CCN6: variants seen among roughly 807,000 people sequenced by gnomAD.
CCN6 encodes the protein CCN family member 6.
A neutral mutation model predicts 37.4 loss-of-function variants in CCN6; 31 were observed. The observed-to-expected ratio is 0.83, with a 90% confidence interval of 0.62 to 1.12. The LOEUF (loss-of-function observed/expected upper bound fraction) is 1.12, where lower values mean the gene tolerates loss of function less well. Ranked by LOEUF, CCN6 falls within the 50% of genes most tolerant of loss-of-function variation. The pLI is 0.00. For synonymous variants in CCN6, 137 were observed against 142.1 expected, an observed-to-expected ratio of 0.96 and a Z score of 0.26; for missense variants, 369 against 413.8, an observed-to-expected ratio of 0.89 and a Z score of 0.94.
At chr6:112,061,473 A>G (rs1305167889) in intron 2 of CCN6, 185 bp downstream of exon 2, 3 of 706,504 alleles carry the variant, frequency 4.2e-6, no homozygotes, top group Non-Finnish European at 4.8e-6. Context: ...ATGCTTACAC[A>G]CATTCAGAAG....
chr6:112,053,299 CTTT>C (rs67916118), upstream of CCN6, among the ~76,000 whole-genome samples: 1 of 142,566 alleles, frequency 7.0e-6, no homozygotes. Context: ...TATTTTTAAT[CTTT>C]TTTTTTTTTT....
upstream of CCN6, chr6:112,053,931 C>T (rs766082719): frequency 2.2e-5 from 8 of 360,314 alleles, no homozygotes; most frequent in Non-Finnish European, 4.3e-5. Context: ...CTAGAGAGGA[C>T]CCGGAGCAGG....
intron 2 of CCN6, among the ~76,000 whole-genome samples, chr6:112,063,714 A>C (rs1554313303): frequency 1.3e-5 from 2 of 152,150 alleles, no homozygotes; most frequent in Non-Finnish European, 2.9e-5. Flanking sequence ...CTCATCTTCA[A>C]AAAAAATTTC....
chr6:112,065,298 A>G (rs1554313711), intron 3 of CCN6, among the ~76,000 whole-genome samples: 1 of 152,182 alleles, frequency 6.6e-6, no homozygotes. Flanking sequence ...TCTCAGGAAA[A>G]TTGACCAAAT....
rs1776633142 is a variant in CCN6, at chr6:112,064,899, A to G, written c.491A>G (p.His164Arg). The G allele has an allele frequency of 1.9e-6, 3 of 1,614,110 alleles. No individual in the cohort carries two copies. Among genetic ancestry groups the G allele is most frequent in the Non-Finnish European group, 2.5e-6 (3 of 1,179,960 alleles). The change falls in exon 3 of 5, where the codon CAC becomes CGC. Residue 164 changes from histidine to arginine, a missense_variant. His to Arg is a conservative substitution (Grantham distance 29). Coordinates refer to ENST00000368666, the MANE Select transcript of CCN6 (RefSeq NM_198239.2). Reference sequence around the variant, plus strand: ...TTCATACCAAAGCTGGCTGGCAGTCACTGCTCTGGAGCTAAAGGTGGAAAG... The same window carrying G: ...TTCATACCAAAGCTGGCTGGCAGTCGCTGCTCTGGAGCTAAAGGTGGAAAG... ...PLFIPKLAGS[H>R]CSGAKGGKKS...
intron 1 of CCN6, among the ~76,000 whole-genome samples, chr6:112,055,877 A>ACCACCT (rs1776334340): frequency 1.3e-5 from 2 of 152,182 alleles, no homozygotes; most frequent in African/African-American, 4.8e-5. Flanking sequence ...GGTGTGAGCC[A>ACCACCT]CCACCTCCGG....
In CCN6 at chr6:112,060,120, G is replaced by A. The variant is rs782363726; in HGVS notation, c.49-871G>A. ...GAGTGGCAGTGGGCAAAGTAATATG[G>A]GGAGGGGGGACCACAGGATGCAGGG... On this transcript the variant is annotated intron_variant, in intron 1 of 4. Coordinates refer to ENST00000368666, the MANE Select transcript of CCN6 (RefSeq NM_198239.2). 14 of 1,350,010 alleles carry A rather than the reference G, an allele frequency of 1.0e-5. No individual in the cohort carries two copies. In the Admixed American group the frequency reaches 1.4e-4, roughly 14 times the overall value. The allele number at this position is 1,350,010 out of a possible 1,614,324, so 83.6% of individuals were successfully genotyped here.
Position 112,069,627 on chromosome 6 carries a change from G to A in CCN6, c.*7G>A, listed in dbSNP as rs1562600083. 1 of 1,613,446 alleles carries A rather than the reference G, an allele frequency of 6.2e-7. No individual in the cohort carries two copies. Among genetic ancestry groups the A allele is most frequent in the South Asian group, 1.1e-5 (1 of 91,028 alleles). ...TGAGCTCAAGATTCTGTAAAACCAA[G>A]CAAATGGGGGAAAAGTTAGTCAATC... On this transcript the variant is annotated 3_prime_UTR_variant, in exon 5 of 5. Coordinates refer to ENST00000368666, the MANE Select transcript of CCN6 (RefSeq NM_198239.2).
chr6:112,060,881 G>C (rs920258691), intron 1 of CCN6, 110 bp from the exon 2 acceptor site: 15 of 1,270,050 alleles, frequency 1.2e-5, no homozygotes, highest in Non-Finnish European at 1.7e-5. Context: ...TTATTATAAT[G>C]ATTGTAACTC....
chr6:112,065,043 T>C (rs782232604), intron 3 of CCN6, 46 bp downstream of exon 3: 1 of 1,612,160 alleles, frequency 6.2e-7, no homozygotes, highest in South Asian at 1.1e-5. Flanking sequence ...TTGGTGGTAT[T>C]CCTTCATGTT....
At chr6:112,066,081 G>T (rs1236221073) in intron 3 of CCN6, among the ~76,000 whole-genome samples, 2 of 152,100 alleles carry the variant, frequency 1.3e-5, no homozygotes, top group Admixed American at 6.5e-5. Flanking sequence ...TATAAGCAGA[G>T]AAATGAGTTT....
intron 3 of CCN6, among the ~76,000 whole-genome samples, chr6:112,066,137 CCA>C (rs1776688844): frequency 1.3e-5 from 2 of 152,050 alleles, no homozygotes; most frequent in African/African-American, 4.8e-5. Context: ...CTCAGCAACT[CCA>C]GTTTTGTCAG....
chr6:112,063,073 T>G (rs1276741023), intron 2 of CCN6, among the ~76,000 whole-genome samples: 1 of 152,204 alleles, frequency 6.6e-6, no homozygotes. Context: ...GTGTCATTGT[T>G]TTACATTTTT....
At chr6:112,053,585 G>A (rs371493889), upstream of CCN6, among the ~76,000 whole-genome samples, 1 of 151,768 alleles carries the variant, frequency 6.6e-6, no homozygotes. Flanking sequence ...TTTTAGGCCC[G>A]GAAAAATGGA....
At chr6:112,054,668 G>A (rs587697631) in intron 1 of CCN6, 62 of 460,940 alleles carry the variant, frequency 1.3e-4, no homozygotes, top group African/African-American at 1.0e-3. Context: ...ACAGCGCCAC[G>A]CTTTCCTATA....
upstream of CCN6, among the ~76,000 whole-genome samples, chr6:112,053,378 C>A (rs1228245749): frequency 2.0e-5 from 3 of 151,298 alleles, no homozygotes; most frequent in African/African-American, 7.3e-5. Flanking sequence ...CTCACTGCAA[C>A]CTCCGCCTCC....
chr6:112,066,990 T>G (rs1554314123), intron 3 of CCN6: 1 of 1,366,410 alleles, frequency 7.3e-7, no homozygotes, highest in Admixed American at 1.9e-5. Context: ...GCTTCTAATC[T>G]GCTTCCTGCA....
intron 1 of CCN6, among the ~76,000 whole-genome samples, chr6:112,057,404 C>A (rs1234548627): frequency 6.6e-6 from 1 of 152,176 alleles, no homozygotes; most frequent in Non-Finnish European, 1.5e-5. Context: ...GAAGGTCAGT[C>A]AGGAACTCGT....
At chr6:112,061,866 C>T (rs1447107572) in intron 2 of CCN6, among the ~76,000 whole-genome samples, 3 of 152,192 alleles carry the variant, frequency 2.0e-5, no homozygotes, top group Admixed American at 6.5e-5. Context: ...AACATTGACA[C>T]TAATTCAGGG....
Sources: gnomAD v4.1 joint callset for allele counts (sites outside exome capture counted in the v4.1 genomes callset) on GRCh38, gnomAD v4.1.1 for gene constraint, MANE v1.5 for transcripts, NCBI Gene and HGNC (gene_info 2026-07-23, HGNC 2026-07-21) for gene names.